The following AKAP6 variants were observed in gnomAD, a reference collection of about 807,000 sequenced individuals.
AKAP6 encodes A-kinase anchor protein 6.
Under a neutral mutation model 188.5 loss-of-function variants are expected in AKAP6, and 58 were observed. The observed-to-expected ratio is 0.31, with a 90% confidence interval of 0.25 to 0.38. The LOEUF (loss-of-function observed/expected upper bound fraction) is 0.38. Among genes scored for constraint, AKAP6 ranks in the 10% least tolerant of loss-of-function variants. AKAP6 has a pLI of 1.00. For missense variants in AKAP6, 2,710 were observed against 2,740.0 expected, an observed-to-expected ratio of 0.99 and a Z score of 0.24; for synonymous variants, 989 against 998.6, an observed-to-expected ratio of 0.99 and a Z score of 0.18.
chr14:32,449,354 A>AAAAC (rs1183402001), intron 2 of AKAP6, among the ~76,000 whole-genome samples: 21 of 151,970 alleles, frequency 1.4e-4, no homozygotes, highest in Middle Eastern at 3.2e-3. Context: ...CTAAAAATAC[A>AAAAC]AAACAAACAA....
chr14:32,786,296 A>ATGGTTTTTTT, intron 12 of AKAP6, among the ~76,000 whole-genome samples: 22 of 93,706 alleles, frequency 2.3e-4, no homozygotes, highest in African/African-American at 9.0e-4. Flanking sequence ...CTAAACCTTT[A>ATGGTTTTTTT]TCTTTTTTTT....
At chr14:32,710,719 TA>T (rs1891018790) in intron 9 of AKAP6, among the ~76,000 whole-genome samples, 1 of 152,018 alleles carries the variant, frequency 6.6e-6, no homozygotes, top group Admixed American at 6.6e-5. Flanking sequence ...ACGTAGGAAG[TA>T]GGGATAATAA....
intron 1 of AKAP6, among the ~76,000 whole-genome samples, chr14:32,395,256 T>C (rs1268321278): frequency 6.6e-6 from 1 of 152,190 alleles, no homozygotes; most frequent in Non-Finnish European, 1.5e-5. Flanking sequence ...GAACCTGCTC[T>C]AAGTTATTAA....
intron 12 of AKAP6, among the ~76,000 whole-genome samples, chr14:32,800,752 T>C (rs974297167): frequency 6.6e-6 from 1 of 152,162 alleles, no homozygotes; most frequent in African/African-American, 2.4e-5. Context: ...CTGTGGCTCA[T>C]GCCTGTAATC....
chr14:32,578,318 T>A (rs929013574), intron 5 of AKAP6, among the ~76,000 whole-genome samples: 1 of 152,164 alleles, frequency 6.6e-6, no homozygotes, highest in Non-Finnish European at 1.5e-5. Flanking sequence ...AAAATCCTGT[T>A]GCTGCATGCA....
At chr14:32,677,361 A>T (rs1889476691) in intron 7 of AKAP6, among the ~76,000 whole-genome samples, 1 of 152,216 alleles carries the variant, frequency 6.6e-6, no homozygotes, top group Non-Finnish European at 1.5e-5. Context: ...CTGACCCAGA[A>T]ATGTTCTTCC....
intron 11 of AKAP6, among the ~76,000 whole-genome samples, chr14:32,750,423 A>T (rs893162750): frequency 6.6e-6 from 1 of 152,050 alleles, no homozygotes; most frequent in African/African-American, 2.4e-5. Flanking sequence ...CATTTGCATT[A>T]TATTGAAAGT....
At chr14:32,583,948 C>T (rs1055133431) in intron 5 of AKAP6, among the ~76,000 whole-genome samples, 3 of 152,240 alleles carry the variant, frequency 2.0e-5, no homozygotes, top group Non-Finnish European at 4.4e-5. Context: ...CAATGCCTCG[C>T]CCTGCTTTGG....
chr14:32,490,400 A>T (rs1302509788), intron 2 of AKAP6, among the ~76,000 whole-genome samples: 1 of 152,224 alleles, frequency 6.6e-6, no homozygotes, highest in Non-Finnish European at 1.5e-5. Flanking sequence ...TATAATTTTT[A>T]AAAATTTCTT....
intron 9 of AKAP6, among the ~76,000 whole-genome samples, chr14:32,716,166 T>C (rs2030187521): frequency 6.6e-6 from 1 of 151,920 alleles, no homozygotes; most frequent in Non-Finnish European, 1.5e-5. Context: ...TCAATAGCCT[T>C]TTATCTCATT....
At chr14:32,356,945 G>A (rs1887504581) in intron 1 of AKAP6, among the ~76,000 whole-genome samples, 1 of 151,896 alleles carries the variant, frequency 6.6e-6, no homozygotes, top group Middle Eastern at 3.2e-3. Flanking sequence ...TCCCATGCTT[G>A]CACCGGACAT....
At chr14:32,744,532 G>A (rs1329306792) in intron 11 of AKAP6, among the ~76,000 whole-genome samples, 2 of 152,066 alleles carry the variant, frequency 1.3e-5, no homozygotes, top group Non-Finnish European at 2.9e-5. Context: ...TAGCCAGGAT[G>A]GTCTCGATCT....
chr14:32,382,572 A>G (rs982022218), intron 1 of AKAP6, among the ~76,000 whole-genome samples: 3 of 152,180 alleles, frequency 2.0e-5, no homozygotes, highest in Non-Finnish European at 4.4e-5. Context: ...TTCAATTTAG[A>G]AAATTTGTTG....
intron 2 of AKAP6, among the ~76,000 whole-genome samples, chr14:32,515,251 G>A (rs1490076213): frequency 1.3e-5 from 2 of 152,208 alleles, no homozygotes; most frequent in South Asian, 2.1e-4. Flanking sequence ...ACTACCAAGA[G>A]AACGGTGTGG....
chr14:32,399,584 T>C (rs1282794179), intron 1 of AKAP6, among the ~76,000 whole-genome samples: 1 of 152,182 alleles, frequency 6.6e-6, no homozygotes, highest in Non-Finnish European at 1.5e-5. Context: ...ACCCAAATTA[T>C]AGAACACTTT....
At chr14:32,591,664 T>C (rs1885491698) in intron 5 of AKAP6, among the ~76,000 whole-genome samples, 1 of 130,054 alleles carries the variant, frequency 7.7e-6, no homozygotes, top group Admixed American at 7.7e-5. Flanking sequence ...TTTTTTTTTT[T>C]CAAAAGGAAA....
chr14:32,575,886 C>A (rs966614262), intron 4 of AKAP6, among the ~76,000 whole-genome samples: 1 of 152,076 alleles, frequency 6.6e-6, no homozygotes, highest in Non-Finnish European at 1.5e-5. Flanking sequence ...GGACTCTGTG[C>A]CCACATCTCT....
intron 2 of AKAP6, 109 bp from the exon 3 acceptor site, chr14:32,535,445 G>A (rs1882628530): frequency 7.6e-7 from 1 of 1,307,372 alleles, no homozygotes. Context: ...ATGTGCTACT[G>A]TTGGCCCTGA....
intron 8 of AKAP6, among the ~76,000 whole-genome samples, chr14:32,682,270 G>A (rs547073573): frequency 6.6e-6 from 1 of 152,314 alleles, no homozygotes; most frequent in South Asian, 2.1e-4. Context: ...CACAGTCTCT[G>A]CCTTCATTGA....
Sources: gnomAD v4.1 joint callset for allele counts (sites outside exome capture counted in the v4.1 genomes callset) on GRCh38, gnomAD v4.1.1 for gene constraint, MANE v1.5 for transcripts, NCBI Gene and HGNC (gene_info 2026-07-23, HGNC 2026-07-21) for gene names.